Variants in WNT3A observed in about 807,000 individuals in gnomAD.
WNT3A encodes protein Wnt-3a.
Under a neutral mutation model 37.0 loss-of-function variants are expected in WNT3A, and 17 were observed. The observed-to-expected ratio is 0.46, with a 90% CI of 0.31 to 0.69. The LOEUF (loss-of-function observed/expected upper bound fraction) is 0.69, where lower values mean the gene tolerates loss of function less well. Ranked by LOEUF, WNT3A falls within the 30% of genes least tolerant of loss-of-function variation. WNT3A has a pLI of 0.05. For missense variants in WNT3A, 411 were observed against 510.2 expected (o/e 0.81, Z 1.87); for synonymous variants, 187 against 211.0 (o/e 0.89, Z 0.99).
At chr1:228,020,562 G>A (rs2030676149) in intron 1 of WNT3A, among the ~76,000 whole-genome samples, 1 of 152,226 alleles carries the variant, frequency 6.6e-6, no homozygotes. Flanking sequence ...GATGAGGAAG[G>A]AGACATGGAA....
chr1:228,028,865 C>T (rs1452687691), intron 2 of WNT3A, among the ~76,000 whole-genome samples: 2 of 152,172 alleles, frequency 1.3e-5, no homozygotes, highest in Admixed American at 6.5e-5. Context: ...CCCCAGGTGG[C>T]AGTGGCTTTA....
At chr1:228,044,997 C>T (rs2031368702) in intron 2 of WNT3A, among the ~76,000 whole-genome samples, 1 of 152,218 alleles carries the variant, frequency 6.6e-6, no homozygotes, top group African/African-American at 2.4e-5. Context: ...TCCACCTCCA[C>T]ATGTGATGGA....
intron 1 of WNT3A, among the ~76,000 whole-genome samples, chr1:228,017,767 G>A (rs1379508130): frequency 2.0e-5 from 3 of 152,210 alleles, no homozygotes; most frequent in South Asian, 2.1e-4. Flanking sequence ...CGGAGACAGC[G>A]GTGGCTCGGG....
intron 3 of WNT3A, among the ~76,000 whole-genome samples, chr1:228,052,307 C>G (rs967445505): frequency 6.6e-6 from 1 of 152,026 alleles, no homozygotes; most frequent in Non-Finnish European, 1.5e-5. Flanking sequence ...CCACACCTGG[C>G]TAATTTTTGT....
chr1:228,029,403 G>A (rs2030943215), intron 2 of WNT3A, among the ~76,000 whole-genome samples: 1 of 152,200 alleles, frequency 6.6e-6, no homozygotes, highest in Non-Finnish European at 1.5e-5. Context: ...TGCCGGCAGA[G>A]GCGGGGCCCA....
In WNT3A at chr1:228,037,345, G is replaced by A. The variant is rs570895939; in HGVS notation, c.314-13311G>A. On this transcript the variant is annotated intron_variant, in intron 2 of 3. Transcript: ENST00000284523. The surrounding 1 kb of genome is among the most constrained non-coding windows in gnomAD (Gnocchi z 4.1). ...GGACCCCTCCAGCCCCAAAGGGTGG[G>A]GAGAGTAATGAAAGGGTCCTGCGCA... is the stretch of plus-strand genomic sequence containing the variant. Among the ~76,000 whole-genome samples, 894 of 152,250 alleles carry A rather than the reference G, an allele frequency of 5.9e-3. 11 individuals are homozygous for A. Among genetic ancestry groups the A allele is most frequent in the African/African-American group, 0.021 (864 of 41,538 alleles).
At chr1:228,017,344 C>A (rs1306478055) in intron 1 of WNT3A, among the ~76,000 whole-genome samples, 4 of 152,158 alleles carry the variant, frequency 2.6e-5, no homozygotes, top group African/African-American at 2.4e-5. Flanking sequence ...CTTCAGCAAG[C>A]CTCCCTTTCA....
chr1:228,046,190 G>GAA (rs2031400623), intron 2 of WNT3A, among the ~76,000 whole-genome samples: 2 of 152,254 alleles, frequency 1.3e-5, no homozygotes, highest in African/African-American at 4.8e-5. Context: ...ATCCAGAGGG[G>GAA]GCCTGGCATG....
chr1:228,021,072 G>T (rs899537762), intron 1 of WNT3A, among the ~76,000 whole-genome samples: 2 of 152,192 alleles, frequency 1.3e-5, no homozygotes, highest in African/African-American at 4.8e-5. Flanking sequence ...GACCCTAAGT[G>T]CATGGCTCAA....
rs181976743 is a variant in WNT3A at position 228,050,247 on chromosome 1, G to A, written c.314-409G>A. Reference sequence around the variant, plus strand: ...GATGGGGTCTTGCTATGTTGAAAAGGCTGTCCTGGTCTCAAGCAGTCCTCC... The same window carrying A: ...GATGGGGTCTTGCTATGTTGAAAAGACTGTCCTGGTCTCAAGCAGTCCTCC... On this transcript the variant is annotated intron_variant, in intron 2 of 3. Transcript: ENST00000284523. The surrounding 1 kb of genome is among the most constrained non-coding windows in gnomAD (Gnocchi z 5.0). 1.3e-5 allele frequency among the ~76,000 whole-genome samples: 2 copies of A among 152,252 alleles called. No individual in the cohort carries two copies. Among genetic ancestry groups the A allele is most frequent in the African/African-American group, 2.4e-5 (1 of 41,550 alleles).
rs2102769356 is a variant in WNT3A, at chr1:228,031,623, G to A, written c.313+8715G>A. Among the ~76,000 whole-genome samples the A allele has an allele frequency of 6.6e-6, 1 of 152,208 alleles. No individual in the cohort carries two copies. Among genetic ancestry groups the A allele is most frequent in the Admixed American group, 6.5e-5 (1 of 15,296 alleles). On this transcript the variant is annotated intron_variant, in intron 2 of 3. Transcript: ENST00000284523. The surrounding 1 kb of genome is among the most constrained non-coding windows in gnomAD (Gnocchi z 4.8). ...ATGTGTGTGCATGTGTATGTGTCAGGTGTAGTGAATGTGTATGTGGTTTGG... is the reference window on the plus strand; with the variant it reads ...ATGTGTGTGCATGTGTATGTGTCAGATGTAGTGAATGTGTATGTGGTTTGG...
intron 2 of WNT3A, among the ~76,000 whole-genome samples, chr1:228,045,498 C>T (rs1207174810): frequency 1.3e-5 from 2 of 152,142 alleles, no homozygotes; most frequent in Non-Finnish European, 2.9e-5. Flanking sequence ...GGGGAAGGGG[C>T]GCTGACTAGG....
intron 2 of WNT3A, among the ~76,000 whole-genome samples, chr1:228,046,007 G>T (rs1314763595): frequency 6.6e-6 from 1 of 152,230 alleles, no homozygotes; most frequent in African/African-American, 2.4e-5. Flanking sequence ...GGTTGGGGAG[G>T]GGCAGCCAGG....
chr1:228,040,087 AG>A (rs2031240411), intron 2 of WNT3A, among the ~76,000 whole-genome samples: 1 of 152,184 alleles, frequency 6.6e-6, no homozygotes, highest in Non-Finnish European at 1.5e-5. Context: ...CCAGCCAGGC[AG>A]GTGGGCTCCC....
intron 3 of WNT3A, among the ~76,000 whole-genome samples, chr1:228,052,134 T>C (rs568790945): frequency 6.6e-6 from 1 of 152,136 alleles, no homozygotes; most frequent in East Asian, 1.9e-4. Flanking sequence ...TACCTCTTAA[T>C]GCTGTCACCT....
rs982709145 is a variant in WNT3A, at chr1:228,038,597, G to A, written c.314-12059G>A. ...GCCAGCCCCTTCCAGCAGCTGTGGCGTGAGCAGGCAGGAGATGGGGGCAGC... is the reference window on the plus strand; with the variant it reads ...GCCAGCCCCTTCCAGCAGCTGTGGCATGAGCAGGCAGGAGATGGGGGCAGC... On this transcript the variant is annotated intron_variant, in intron 2 of 3. Coordinates refer to ENST00000284523, the MANE Select transcript of WNT3A (RefSeq NM_033131.4). This position sits in a 1 kb window ranked among gnomAD's most constrained non-coding sequence, Gnocchi z 5.7. Among the ~76,000 whole-genome samples the A allele has an allele frequency of 2.0e-5, 3 of 152,202 alleles. No homozygotes were observed. The highest frequency in any genetic ancestry group is 2.9e-5 in the Non-Finnish European group (2 of 68,042).
In WNT3A at chr1:228,042,006, G is replaced by A. The variant is rs1020397061; in HGVS notation, c.314-8650G>A. ...GAGGATTTTTTTTTCTTTTGATGGA[G>A]TCTCCCTCTGTTGCCAGGCTGGAGT... On this transcript the variant is annotated intron_variant, in intron 2 of 3. Coordinates refer to ENST00000284523, the MANE Select transcript of WNT3A (RefSeq NM_033131.4). This position sits in a 1 kb window ranked among gnomAD's most constrained non-coding sequence, Gnocchi z 5.2. Among the ~76,000 whole-genome samples, 1 of 152,078 alleles carries A rather than the reference G, an allele frequency of 6.6e-6. No individual in the cohort carries two copies. The highest frequency in any genetic ancestry group is 1.5e-5 in the Non-Finnish European group (1 of 68,008).
chr1:228,011,309 G>C (rs2030362433), intron 1 of WNT3A, among the ~76,000 whole-genome samples: 1 of 152,126 alleles, frequency 6.6e-6, no homozygotes, highest in African/African-American at 2.4e-5. Context: ...GATGGGAAGG[G>C]CCTTGTGATA....
chr1:228,054,123 G>T (rs1327753759), intron 3 of WNT3A, among the ~76,000 whole-genome samples: 4 of 152,124 alleles, frequency 2.6e-5, no homozygotes, highest in Admixed American at 2.6e-4. Flanking sequence ...AGTGTAGGCT[G>T]TGACCCTGAA....
Sources: allele counts gnomAD v4.1 joint callset (sites outside exome capture counted in the v4.1 genomes callset), GRCh38; gene constraint gnomAD v4.1.1; non-coding constraint Gnocchi (gnomAD v3.1); transcripts MANE v1.5; gene names NCBI Gene and HGNC (gene_info 2026-07-23, HGNC 2026-07-21).